The following PRDM6 variants were observed in gnomAD, a reference collection of about 807,000 sequenced individuals.
PRDM6 encodes PR/SET domain 6, also known as putative histone-lysine N-methyltransferase PRDM6.
A neutral mutation model predicts 60.8 loss-of-function variants in PRDM6; 25 were observed. The ratio of observed to expected loss-of-function variants is 0.41; its 90% CI spans 0.30 to 0.57. PRDM6 has a LOEUF of 0.57. Among genes scored for constraint, PRDM6 ranks in the 20% least tolerant of loss-of-function variants. The pLI is 0.27. For synonymous variants in PRDM6, 407 were observed against 357.4 expected, an observed-to-expected ratio of 1.14 and a Z score of -1.57; for missense variants, 839 against 821.3, an observed-to-expected ratio of 1.02 and a Z score of -0.26.
At chr5:123,107,163 T>G (rs1002954067) in intron 3 of PRDM6, among the ~76,000 whole-genome samples, 1 of 152,248 alleles carries the variant, frequency 6.6e-6, no homozygotes, top group Non-Finnish European at 1.5e-5. Flanking sequence ...ACGTATATGC[T>G]TCAAATCAGT....
rs1766312635 is a variant in PRDM6, at chr5:123,187,366, A to T, written c.*165A>T. On this transcript the variant is annotated 3_prime_UTR_variant, in exon 8 of 8. Transcript: ENST00000407847. Reference sequence around the variant, plus strand: ...TTAAGAGATATTGATCCTGGCATGGAAGTCAGACCAGGAAAGAGATTATTT... The same window carrying T: ...TTAAGAGATATTGATCCTGGCATGGTAGTCAGACCAGGAAAGAGATTATTT... 1.9e-6 allele frequency: 1 copy of T among 520,840 alleles called. No homozygotes were observed. The highest frequency in any genetic ancestry group is 3.5e-6 in the Non-Finnish European group (1 of 283,906). The allele number at this position is 520,840 out of a possible 1,614,324, so 32.3% of individuals were successfully genotyped here.
intron 7 of PRDM6, among the ~76,000 whole-genome samples, chr5:123,183,959 A>G (rs1727628890): frequency 6.6e-6 from 1 of 152,176 alleles, no homozygotes; most frequent in African/African-American, 2.4e-5. Flanking sequence ...CATTATTGTT[A>G]GAAGCAAGGA....
chr5:123,147,307 G>GAGAGAGAGAGAGAGAGAA (rs1309614411), intron 3 of PRDM6, among the ~76,000 whole-genome samples: 3 of 148,918 alleles, frequency 2.0e-5, no homozygotes, highest in African/African-American at 7.4e-5. Flanking sequence ...GAGAGAGAGA[G>GAGAGAGAGAGAGAGAGAA]AAAACGAACA....
chr5:123,099,074 C>T lies in PRDM6; in HGVS notation c.593-580C>T, dbSNP rs1041937257. 1.3e-5 allele frequency among the ~76,000 whole-genome samples: 2 copies of T among 152,206 alleles called. No homozygotes were observed. Among genetic ancestry groups the T allele is most frequent in the Non-Finnish European group, 2.9e-5 (2 of 68,044 alleles). Reference sequence around the variant, plus strand: ...AGACTGGCCGTCTCCCCCACCCCGCCCCGTCTGGTGATTTTAAATCGTCTC... The same window carrying T: ...AGACTGGCCGTCTCCCCCACCCCGCTCCGTCTGGTGATTTTAAATCGTCTC... On this transcript the variant is annotated intron_variant, in intron 2 of 7. Coordinates refer to ENST00000407847, the MANE Select transcript of PRDM6 (RefSeq NM_001136239.4). This position sits in a 1 kb window ranked among gnomAD's most constrained non-coding sequence, Gnocchi z 4.0.
In PRDM6 at chr5:123,179,465, C is replaced by G. The variant is rs1766093112; in HGVS notation, c.1497-682C>G. On this transcript the variant is annotated intron_variant, in intron 6 of 7. Coordinates refer to ENST00000407847, the MANE Select transcript of PRDM6 (RefSeq NM_001136239.4). The stretch of plus-strand genomic sequence containing the variant: ...GGATATCTTTGACAAAGAGACACAT[C>G]TGGGTGTACATCTGTGTTCATCTGT... Among the ~76,000 whole-genome samples, 3 of 152,218 alleles carry G rather than the reference C, an allele frequency of 2.0e-5. No individual in the cohort carries two copies. In the South Asian group the frequency reaches 6.2e-4, roughly 32 times the overall value.
chr5:123,170,510 A>G (rs1765860702), intron 5 of PRDM6, among the ~76,000 whole-genome samples: 1 of 152,196 alleles, frequency 6.6e-6, no homozygotes, highest in Non-Finnish European at 1.5e-5. Context: ...TGAAGTCATA[A>G]GTGAACTCCA....
intron 3 of PRDM6, among the ~76,000 whole-genome samples, chr5:123,112,523 A>T (rs947377216): frequency 3.9e-5 from 6 of 152,128 alleles, no homozygotes; most frequent in Non-Finnish European, 7.3e-5. Context: ...TCACACCCGG[A>T]GAGCTCACCT....
At chr5:123,151,710 T>C (rs394782) in intron 3 of PRDM6, among the ~76,000 whole-genome samples, 106,783 of 151,838 alleles carry the variant, frequency 0.7, 37,727 homozygotes, top group Non-Finnish European at 0.75. Flanking sequence ...TGACTGAGTT[T>C]TTCATGGAGG....
At chr5:123,106,454 AAG>A (rs1172464703) in intron 3 of PRDM6, among the ~76,000 whole-genome samples, 1 of 152,140 alleles carries the variant, frequency 6.6e-6, no homozygotes, top group East Asian at 1.9e-4. Context: ...TTAGACAAAA[AAG>A]AGAGAGAGAG....
intron 3 of PRDM6, among the ~76,000 whole-genome samples, chr5:123,135,080 T>G (rs1187612949): frequency 6.6e-6 from 1 of 152,170 alleles, no homozygotes; most frequent in African/African-American, 2.4e-5. Flanking sequence ...TCTGTGGTTT[T>G]CTTGACTTAC....
chr5:123,127,248 G>A (rs1764714193), intron 3 of PRDM6, among the ~76,000 whole-genome samples: 1 of 152,120 alleles, frequency 6.6e-6, no homozygotes, highest in Non-Finnish European at 1.5e-5. Context: ...ATGTTGGCCA[G>A]GCTGGTGTCG....
At chr5:123,114,049 C>CA (rs1262351136) in intron 3 of PRDM6, among the ~76,000 whole-genome samples, 5 of 152,116 alleles carry the variant, frequency 3.3e-5, no homozygotes, top group Non-Finnish European at 7.4e-5. Flanking sequence ...GAGCAGTGTG[C>CA]AAAAAGTGCT....
chr5:123,160,872 T>C (rs1337851843), intron 5 of PRDM6, among the ~76,000 whole-genome samples: 1 of 152,220 alleles, frequency 6.6e-6, no homozygotes, highest in Non-Finnish European at 1.5e-5. Context: ...CCTGTTTTCA[T>C]AGGAGAAAAT....
intron 3 of PRDM6, among the ~76,000 whole-genome samples, chr5:123,130,086 A>G (rs1205357843): frequency 3.1e-5 from 1 of 31,796 alleles, no homozygotes; most frequent in African/African-American, 1.6e-4. Context: ...TTTCCTTTCT[A>G]TTCCCTCCCC....
intron 2 of PRDM6, among the ~76,000 whole-genome samples, chr5:123,098,718 A>T (rs1580475988): frequency 6.6e-6 from 1 of 152,186 alleles, no homozygotes; most frequent in South Asian, 2.1e-4. Context: ...TCGGGGCAGG[A>T]GTTGGTGCCT....
intron 3 of PRDM6, among the ~76,000 whole-genome samples, chr5:123,115,242 G>A (rs1764407775): frequency 6.6e-6 from 1 of 152,198 alleles, no homozygotes; most frequent in South Asian, 2.1e-4. Context: ...TGACTCAGTA[G>A]TGTAGTGACG....
rs965652882 is a variant in PRDM6, at chr5:123,191,357, G to A, written c.*4156G>A. 6.6e-6 allele frequency: 1 copy of A among 152,138 alleles called. No individual in the cohort carries two copies. Among genetic ancestry groups the A allele is most frequent in the African/African-American group, 2.4e-5 (1 of 41,418 alleles). 9.4% of individuals were successfully genotyped at this position (152,138 alleles called of 1,614,324 possible). A position where few individuals can be genotyped will look rare whatever the true frequency, so the allele number is the denominator to read the frequency against. On this transcript the variant is annotated 3_prime_UTR_variant, in exon 8 of 8. Coordinates refer to ENST00000407847, the MANE Select transcript of PRDM6 (RefSeq NM_001136239.4). The stretch of plus-strand genomic sequence containing the variant: ...GCATTTCCAGAACAGCAGGGTTAAC[G>A]GGTCCCTCTGAGTGTACCCAGCAGC...
At chr5:123,159,426 G>T (rs773183747) in intron 4 of PRDM6, 88 bp from the exon 5 acceptor site, 5 of 1,451,010 alleles carry the variant, frequency 3.4e-6, no homozygotes, top group African/African-American at 2.9e-5. Context: ...ATGGAGCTGC[G>T]TAGAACTTTT....
At chr5:123,164,172 A>G (rs1765700972) in intron 5 of PRDM6, among the ~76,000 whole-genome samples, 1 of 152,228 alleles carries the variant, frequency 6.6e-6, no homozygotes, top group Non-Finnish European at 1.5e-5. Flanking sequence ...ACATAAGCAC[A>G]TAACCACAAT....
Sources: allele counts gnomAD v4.1 joint callset (sites outside exome capture counted in the v4.1 genomes callset), GRCh38; gene constraint gnomAD v4.1.1; non-coding constraint Gnocchi (gnomAD v3.1); transcripts MANE v1.5; gene names NCBI Gene and HGNC (gene_info 2026-07-23, HGNC 2026-07-21).